The following FARS2 variants were observed in gnomAD, a reference collection of about 807,000 sequenced individuals.
FARS2 encodes the protein phenylalanine--tRNA ligase, mitochondrial.
FARS2 carries 40 observed loss-of-function variants against 46.4 expected under a neutral mutation model. That is an observed-to-expected ratio of 0.86 (90% CI 0.67 to 1.12). FARS2 has a LOEUF of 1.12. FARS2 is among the 50% of genes most tolerant of loss of function. The pLI is 0.00. For missense variants in FARS2, 513 were observed against 567.9 expected (o/e 0.90, Z 0.98); for synonymous variants, 234 against 214.9 (o/e 1.09, Z -0.78).
intron 4 of FARS2, among the ~76,000 whole-genome samples, chr6:5,485,628 C>G (rs1375277642): frequency 6.6e-6 from 1 of 152,214 alleles, no homozygotes; most frequent in Non-Finnish European, 1.5e-5. Flanking sequence ...AGGCTTTATA[C>G]TGTCTCTGTT....
At chr6:5,768,007 C>T (rs541481464) in intron 6 of FARS2, among the ~76,000 whole-genome samples, 8 of 152,168 alleles carry the variant, frequency 5.3e-5, no homozygotes, top group Non-Finnish European at 1.2e-4. Context: ...TGTGGCTTTC[C>T]TCGGGAGACC....
chr6:5,629,471 G>A (rs1036224063), intron 6 of FARS2, among the ~76,000 whole-genome samples: 11 of 148,540 alleles, frequency 7.4e-5, no homozygotes, highest in Non-Finnish European at 1.3e-4. Flanking sequence ...TGTTGCCCAC[G>A]TATACAGACA....
At chr6:5,382,219 G>T (rs1759840510) in intron 2 of FARS2, among the ~76,000 whole-genome samples, 2 of 152,234 alleles carry the variant, frequency 1.3e-5, no homozygotes, top group African/African-American at 4.8e-5. Context: ...TTGAGTGAGA[G>T]AATGAGTTTC....
At chr6:5,766,632 T>C (rs1762765152) in intron 6 of FARS2, among the ~76,000 whole-genome samples, 2 of 152,256 alleles carry the variant, frequency 1.3e-5, no homozygotes, top group South Asian at 4.1e-4. Flanking sequence ...AGCTGGGCTC[T>C]GAAACCAGAT....
chr6:5,345,237 G>A (rs966464357), intron 1 of FARS2, among the ~76,000 whole-genome samples: 7 of 151,980 alleles, frequency 4.6e-5, no homozygotes, highest in Non-Finnish European at 7.3e-5. Flanking sequence ...TTTATTATGC[G>A]TCTGTTCTTC....
intron 6 of FARS2, among the ~76,000 whole-genome samples, chr6:5,718,679 A>G (rs1759682199): frequency 6.6e-6 from 1 of 151,910 alleles, no homozygotes; most frequent in African/African-American, 2.4e-5. Context: ...TTTCCCTCCC[A>G]ATTTGCAGCT....
intron 3 of FARS2, among the ~76,000 whole-genome samples, chr6:5,424,710 T>C (rs1216357734): frequency 6.6e-6 from 1 of 152,232 alleles, no homozygotes; most frequent in Non-Finnish European, 1.5e-5. Flanking sequence ...TGTCATGCCC[T>C]ATTACATAAT....
chr6:5,534,178 T>C (rs1161509247), intron 4 of FARS2, among the ~76,000 whole-genome samples: 2 of 152,200 alleles, frequency 1.3e-5, no homozygotes, highest in African/African-American at 4.8e-5. Context: ...AAAAAATATA[T>C]GTATGTTGTT....
chr6:5,716,547 C>A (rs1211271806), intron 6 of FARS2, among the ~76,000 whole-genome samples: 1 of 152,196 alleles, frequency 6.6e-6, no homozygotes, highest in Non-Finnish European at 1.5e-5. Flanking sequence ...GCAGCAAACA[C>A]CAGCAGGTGT....
intron 4 of FARS2, among the ~76,000 whole-genome samples, chr6:5,476,790 G>A (rs1025373418): frequency 4.6e-5 from 7 of 152,142 alleles, no homozygotes; most frequent in South Asian, 2.1e-4. Context: ...TTGGAACTGC[G>A]GCCAGAGTGG....
At chr6:5,726,504 A>C (rs1346666371) in intron 6 of FARS2, among the ~76,000 whole-genome samples, 2 of 152,260 alleles carry the variant, frequency 1.3e-5, no homozygotes, top group Admixed American at 1.3e-4. Context: ...GGCCGTAAAG[A>C]AACACAGATA....
chr6:5,291,232 A>G (rs1767482745), intron 1 of FARS2: 2 of 152,248 alleles, frequency 1.3e-5, no homozygotes, highest in Non-Finnish European at 2.9e-5. Context: ...TCTTGTTGAC[A>G]TGATCTCATA....
intron 6 of FARS2, among the ~76,000 whole-genome samples, chr6:5,658,728 A>G (rs1777714714): frequency 1.3e-5 from 2 of 152,224 alleles, no homozygotes; most frequent in African/African-American, 4.8e-5. Context: ...GATTTCTGTC[A>G]TAGAAATTTT....
At chr6:5,430,146 G>A (rs1562034482) in intron 3 of FARS2, among the ~76,000 whole-genome samples, 3 of 152,234 alleles carry the variant, frequency 2.0e-5, no homozygotes, top group Middle Eastern at 3.4e-3. Flanking sequence ...CTTTAGCAAA[G>A]TGTTGCCTAA....
At chr6:5,602,640 C>T (rs1454661552) in intron 5 of FARS2, among the ~76,000 whole-genome samples, 3 of 71,600 alleles carry the variant, frequency 4.2e-5, no homozygotes, top group South Asian at 1.4e-3. Context: ...AGTGAGACTC[C>T]GTCTCAAAAA....
chr6:5,652,946 G>C (rs1045960822), intron 6 of FARS2, among the ~76,000 whole-genome samples: 2 of 152,214 alleles, frequency 1.3e-5, no homozygotes, highest in Non-Finnish European at 2.9e-5. Context: ...CAAGAGGCCA[G>C]TATCTTGAAA....
chr6:5,417,278 G>A (rs1433961496), intron 3 of FARS2, among the ~76,000 whole-genome samples: 1 of 152,042 alleles, frequency 6.6e-6, no homozygotes, highest in Admixed American at 6.5e-5. Context: ...GTGCAATGGC[G>A]TGATCATGGC....
At chr6:5,751,355 A>G (rs1432081654) in intron 6 of FARS2, among the ~76,000 whole-genome samples, 1 of 152,162 alleles carries the variant, frequency 6.6e-6, no homozygotes, top group Non-Finnish European at 1.5e-5. Flanking sequence ...GGCTGTTGAA[A>G]TAATACAAAT....
At chr6:5,542,636 A>G (rs1395936425) in intron 4 of FARS2, among the ~76,000 whole-genome samples, 1 of 152,150 alleles carries the variant, frequency 6.6e-6, no homozygotes, top group Non-Finnish European at 1.5e-5. Flanking sequence ...GACCTTACCA[A>G]ATGTCCCCTG....
Sources: allele counts gnomAD v4.1 joint callset (sites outside exome capture counted in the v4.1 genomes callset), GRCh38; gene constraint gnomAD v4.1.1; transcripts MANE v1.5; gene names NCBI Gene and HGNC (gene_info 2026-07-23, HGNC 2026-07-21).